The following CSMD1 variants were observed in gnomAD, a reference collection of about 807,000 sequenced individuals.
CSMD1 encodes the protein CUB and sushi domain-containing protein 1.
A neutral mutation model predicts 417.5 loss-of-function variants in CSMD1; 213 were observed. The ratio of observed to expected loss-of-function variants is 0.51; its 90% CI spans 0.46 to 0.57. CSMD1 has a LOEUF of 0.57. CSMD1 is among the 20% of genes least tolerant of loss of function. The pLI is 0.00. For missense variants in CSMD1, 6,923 were observed against 4,529.7 expected, an observed-to-expected ratio of 1.53 and a Z score of -15.17; for synonymous variants, 2,862 against 1,736.8, an observed-to-expected ratio of 1.65 and a Z score of -16.11.
intron 6 of CSMD1, among the ~76,000 whole-genome samples, chr8:3,751,298 A>ATG (rs1797324148): frequency 1.3e-5 from 1 of 76,096 alleles, no homozygotes; most frequent in East Asian, 4.5e-4. Flanking sequence ...TATACAATTG[A>ATG]AGTGTGTGTG....
chr8:4,314,039 T>TAAC (rs1798780782), intron 3 of CSMD1, among the ~76,000 whole-genome samples: 2 of 150,840 alleles, frequency 1.3e-5, no homozygotes, highest in Non-Finnish European at 3.0e-5. Context: ...ATAATAATGA[T>TAAC]AATAATAATA....
chr8:4,615,064 T>C (rs547062289), intron 2 of CSMD1, among the ~76,000 whole-genome samples: 17 of 152,204 alleles, frequency 1.1e-4, no homozygotes, highest in African/African-American at 3.9e-4. Context: ...TTCCTATTTG[T>C]CTCAGATCTA....
At chr8:4,205,060 A>G (rs895450293) in intron 3 of CSMD1, among the ~76,000 whole-genome samples, 2 of 152,200 alleles carry the variant, frequency 1.3e-5, no homozygotes, top group African/African-American at 4.8e-5. Context: ...TTTCATAACA[A>G]TGCCACAGAG....
intron 7 of CSMD1, among the ~76,000 whole-genome samples, chr8:3,657,258 A>G (rs538427519): frequency 2.6e-5 from 4 of 152,340 alleles, no homozygotes; most frequent in African/African-American, 9.6e-5. Flanking sequence ...CAGCATTTCT[A>G]TATGCCAACA....
chr8:3,313,892 T>C (rs943512813), intron 23 of CSMD1, among the ~76,000 whole-genome samples: 2 of 152,166 alleles, frequency 1.3e-5, no homozygotes, highest in Non-Finnish European at 2.9e-5. Flanking sequence ...AATGATAGAC[T>C]GGATTAAGAA....
At chr8:3,748,283 A>G (rs971809527) in intron 6 of CSMD1, among the ~76,000 whole-genome samples, 10 of 152,184 alleles carry the variant, frequency 6.6e-5, no homozygotes, top group African/African-American at 2.4e-4. Context: ...TGGTTTTAAG[A>G]ATTATTTAAA....
chr8:4,925,829 G>C (rs1226973009), intron 1 of CSMD1, among the ~76,000 whole-genome samples: 2 of 152,182 alleles, frequency 1.3e-5, no homozygotes, highest in Non-Finnish European at 2.9e-5. Context: ...TTACAGGCGT[G>C]AGCCCTCGCG....
At chr8:4,774,014 G>A (rs1054549052) in intron 1 of CSMD1, among the ~76,000 whole-genome samples, 1 of 152,012 alleles carries the variant, frequency 6.6e-6, no homozygotes, top group African/African-American at 2.4e-5. Flanking sequence ...TGGCCAACAT[G>A]GTGAAACCCC....
chr8:3,509,561 C>G (rs1462691189), intron 10 of CSMD1, among the ~76,000 whole-genome samples: 1 of 152,068 alleles, frequency 6.6e-6, no homozygotes, highest in Admixed American at 6.6e-5. Flanking sequence ...TTATTCAATT[C>G]CAATTTTCTA....
intron 4 of CSMD1, among the ~76,000 whole-genome samples, chr8:3,999,181 A>C (rs1292790296): frequency 6.6e-6 from 1 of 151,424 alleles, no homozygotes; most frequent in Non-Finnish European, 1.5e-5. Context: ...TTCTTTCCTC[A>C]AATACTTCCT....
intron 5 of CSMD1, among the ~76,000 whole-genome samples, chr8:3,861,961 T>C (rs1804740324): frequency 6.6e-6 from 1 of 152,172 alleles, no homozygotes; most frequent in South Asian, 2.1e-4. Context: ...TGGTTTAATA[T>C]CTGTTTTCTG....
chr8:3,508,261 C>G (rs1017547399), intron 10 of CSMD1, among the ~76,000 whole-genome samples: 2 of 150,436 alleles, frequency 1.3e-5, no homozygotes, highest in Non-Finnish European at 2.9e-5. Flanking sequence ...ACAGATGATG[C>G]AAGACATAGA....
chr8:3,834,533 G>C (rs189932908), intron 5 of CSMD1, among the ~76,000 whole-genome samples: 6 of 152,146 alleles, frequency 3.9e-5, no homozygotes, highest in Admixed American at 3.3e-4. Flanking sequence ...TGCACTGTGC[G>C]TCTCTTCCAA....
intron 23 of CSMD1, among the ~76,000 whole-genome samples, chr8:3,310,894 AG>A (rs1164950576): frequency 6.6e-6 from 1 of 151,788 alleles, no homozygotes; most frequent in Non-Finnish European, 1.5e-5. Flanking sequence ...TTTTAAAAAA[AG>A]TTTTTAAAAA....
At chr8:4,144,509 A>G (rs1613009) in intron 3 of CSMD1, among the ~76,000 whole-genome samples, 28,549 of 150,916 alleles carry the variant, frequency 0.19, 3,347 homozygotes, top group East Asian at 0.32. Context: ...TCCAGTCTAA[A>G]TGCTTCACCT....
In CSMD1 at chr8:4,112,436, G is replaced by A. The variant is rs562407663; in HGVS notation, c.416-80337C>T. On this transcript the variant is annotated intron_variant, in intron 3 of 69. Coordinates refer to ENST00000635120, the MANE Select transcript of CSMD1 (RefSeq NM_033225.6). The stretch of plus-strand genomic sequence containing the variant: ...AGTAAATATTTAATAAGTAAAAGAG[G>A]ATGTGTTCCCTCCCCATTCTCCCCT... Among the ~76,000 whole-genome samples the A allele has an allele frequency of 3.9e-5, 6 of 152,300 alleles. No homozygotes were observed. The South Asian group carries it at 8.3e-4, about 21-fold the overall frequency.
rs555677020 is a variant in CSMD1, at chr8:3,733,099, C to A, written c.931+20831G>T. ...ATAAAAGTGACACAAACTTTACCAA[C>A]AGAGGCTAAAGTGGAAAAGATAAAG... On this transcript the variant is annotated intron_variant, in intron 6 of 69. Transcript: ENST00000635120. 4.0e-5 allele frequency among the ~76,000 whole-genome samples: 6 copies of A among 151,208 alleles called. No homozygotes were observed. In the East Asian group the frequency reaches 1.2e-3, roughly 30 times the overall value.
intron 2 of CSMD1, among the ~76,000 whole-genome samples, chr8:4,550,513 G>C (rs2130561248): frequency 6.6e-6 from 1 of 152,172 alleles, no homozygotes; most frequent in South Asian, 2.1e-4. Flanking sequence ...CTGTGCGGAA[G>C]CTGTTAACCA....
intron 2 of CSMD1, among the ~76,000 whole-genome samples, chr8:4,464,128 T>C (rs919017638): frequency 1.3e-5 from 2 of 149,260 alleles, no homozygotes; most frequent in African/African-American, 5.0e-5. Context: ...GAACCTTGAG[T>C]CGAAGGCTTA....
Sources: allele counts gnomAD v4.1 joint callset (sites outside exome capture counted in the v4.1 genomes callset), GRCh38; gene constraint gnomAD v4.1.1; transcripts MANE v1.5; gene names NCBI Gene and HGNC (gene_info 2026-07-23, HGNC 2026-07-21).